The following CARMIL1 variants were observed in gnomAD, a reference collection of about 807,000 sequenced individuals.
CARMIL1 encodes F-actin-uncapping protein LRRC16A.
Under a neutral mutation model 177.1 loss-of-function variants are expected in CARMIL1, and 90 were observed. The ratio of observed to expected loss-of-function variants is 0.51; its 90% CI spans 0.43 to 0.61. The LOEUF (loss-of-function observed/expected upper bound fraction) is 0.61. CARMIL1 is among the 20% of genes least tolerant of loss of function. CARMIL1 has a pLI of 0.00. For missense variants in CARMIL1, 1,380 were observed against 1,667.0 expected (o/e 0.83, Z 3.00); for synonymous variants, 577 against 606.2 (o/e 0.95, Z 0.71).
intron 29 of CARMIL1, among the ~76,000 whole-genome samples, chr6:25,557,877 A>G (rs189237018): frequency 1.3e-5 from 2 of 152,224 alleles, no homozygotes; most frequent in African/African-American, 4.8e-5. Context: ...AGGGTTCTCT[A>G]TGTAAAGTCC....
intron 13 of CARMIL1, among the ~76,000 whole-genome samples, chr6:25,489,817 A>G (rs1257730766): frequency 6.6e-6 from 1 of 151,974 alleles, no homozygotes; most frequent in Non-Finnish European, 1.5e-5. Flanking sequence ...TCCATTTTCC[A>G]GTTTCAGTTG....
At chr6:25,291,155 A>T (rs1380239012) in intron 2 of CARMIL1, among the ~76,000 whole-genome samples, 1 of 152,060 alleles carries the variant, frequency 6.6e-6, no homozygotes, top group Non-Finnish European at 1.5e-5. Flanking sequence ...CTATTTATTT[A>T]TGGCTTTTGA....
At chr6:25,285,863 A>G (rs1781478521) in intron 2 of CARMIL1, among the ~76,000 whole-genome samples, 1 of 151,766 alleles carries the variant, frequency 6.6e-6, no homozygotes, top group African/African-American at 2.4e-5. Flanking sequence ...GAAAGAGTAT[A>G]ATTTCTTAAT....
intron 8 of CARMIL1, among the ~76,000 whole-genome samples, chr6:25,454,527 A>G (rs1799288321): frequency 6.6e-6 from 1 of 152,184 alleles, no homozygotes; most frequent in African/African-American, 2.4e-5. Context: ...GTGGAACTTT[A>G]TATTATTGAC....
intron 21 of CARMIL1, among the ~76,000 whole-genome samples, chr6:25,516,921 G>C (rs1582215990): frequency 6.6e-6 from 1 of 152,138 alleles, no homozygotes; most frequent in African/African-American, 2.4e-5. Flanking sequence ...TTTACTGTTT[G>C]GGGGGAACAA....
chr6:25,482,274 A>G lies in CARMIL1; in HGVS notation c.892A>G (p.Ile298Val). Residue 298 changes from isoleucine to valine, a missense_variant, in exon 12 of 37, where the codon ATT becomes GTT. Physicochemically the swap from Ile to Val is conservative, Grantham distance 29. Transcript: ENST00000329474. ...LEDRGVSSLS[I>V]QFAKLPKGLK... The stretch of plus-strand genomic sequence containing the variant: ...TTTCTCAGGTGTGTCCTCTTTAAGT[A>G]TTCAATTTGCCAAACTCCCAAAGGG... The G allele has an allele frequency of 6.3e-7, 1 of 1,583,424 alleles. No homozygotes were observed. Among genetic ancestry groups the G allele is most frequent in the East Asian group, 2.3e-5 (1 of 44,148 alleles).
rs1805950573 is a variant in CARMIL1, at chr6:25,515,970, G to A, written c.1805+123G>A. On this transcript the variant is annotated intron_variant, in intron 21 of 36. Transcript: ENST00000329474. This position sits in a 1 kb window ranked among gnomAD's most constrained non-coding sequence, Gnocchi z 5.0. ...TCCCATGAGGCCATCTTGAGGAGAA[G>A]AGGTGACAATGTCAAGATTTCTGTC... The A allele has an allele frequency of 3.2e-6, 3 of 923,268 alleles. No homozygotes were observed. In the Admixed American group the frequency reaches 8.9e-5, roughly 27 times the overall value. 57.2% of individuals were successfully genotyped at this position (923,268 alleles called of 1,614,324 possible).
chr6:25,421,488 TA>T (rs1305383580), intron 3 of CARMIL1, among the ~76,000 whole-genome samples: 1 of 152,134 alleles, frequency 6.6e-6, no homozygotes, highest in African/African-American at 2.4e-5. Context: ...GATCTAGAAC[TA>T]GAAATACCAT....
intron 2 of CARMIL1, among the ~76,000 whole-genome samples, chr6:25,409,742 G>C (rs1023211726): frequency 6.6e-6 from 1 of 152,120 alleles, no homozygotes; most frequent in African/African-American, 2.4e-5. Context: ...ATTTGCATGC[G>C]AGTACCATGT....
At chr6:25,422,590 A>G (rs549136676) in intron 3 of CARMIL1, among the ~76,000 whole-genome samples, 1 of 152,330 alleles carries the variant, frequency 6.6e-6, no homozygotes, top group South Asian at 2.1e-4. Flanking sequence ...TGTTTTATAA[A>G]TAAATTAGGT....
rs765642679 is a variant in CARMIL1, at chr6:25,510,528, C to T, written c.1499C>T (p.Thr500Ile). The change falls in exon 19 of 37, where the codon ACC becomes ATC. Residue 500 changes from threonine (T) to isoleucine (I), a missense_variant. Coordinates refer to ENST00000329474, the MANE Select transcript of CARMIL1 (RefSeq NM_017640.6). ...SDNGLESDLS[T>I]LIVWLSKNRS... is the part of the protein sequence containing the mutation. The stretch of plus-strand genomic sequence containing the variant: ...CCAGGTTTAGAATCTGACCTATCTA[C>T]CTTAATAGTGTGGCTCAGTAAAAAC... 1 of 1,554,344 alleles carries T rather than the reference C, an allele frequency of 6.4e-7. No homozygotes were observed. Among genetic ancestry groups the T allele is most frequent in the South Asian group, 1.2e-5 (1 of 83,972 alleles).
At chr6:25,337,481 C>T (rs577707257) in intron 2 of CARMIL1, among the ~76,000 whole-genome samples, 25 of 152,306 alleles carry the variant, frequency 1.6e-4, no homozygotes, top group African/African-American at 6.0e-4. Context: ...TCTAGACCAA[C>T]TCTAAAAAAT....
At chr6:25,552,589 C>T (rs915887666) in intron 27 of CARMIL1, among the ~76,000 whole-genome samples, 1 of 152,118 alleles carries the variant, frequency 6.6e-6, no homozygotes, top group Admixed American at 6.5e-5. Context: ...GACTGTTTTC[C>T]TCTAAAACCT....
intron 12 of CARMIL1, among the ~76,000 whole-genome samples, chr6:25,485,244 G>A (rs998301306): frequency 1.3e-5 from 2 of 152,042 alleles, no homozygotes; most frequent in African/African-American, 4.8e-5. Context: ...GAGGTCCTAC[G>A]GGCAAAGCTG....
At chr6:25,536,460 T>A (rs1037485687) in intron 24 of CARMIL1, among the ~76,000 whole-genome samples, 2 of 152,096 alleles carry the variant, frequency 1.3e-5, no homozygotes, top group Non-Finnish European at 2.9e-5. Flanking sequence ...CCTAGGGGGA[T>A]CTCAAGATAA....
chr6:25,525,320 G>A (rs933678375), intron 23 of CARMIL1, among the ~76,000 whole-genome samples: 3 of 152,120 alleles, frequency 2.0e-5, no homozygotes, highest in Non-Finnish European at 4.4e-5. Context: ...GAAGAGAGTG[G>A]AGTGAACTAT....
At chr6:25,496,943 C>G (rs765030330) in intron 16 of CARMIL1, among the ~76,000 whole-genome samples, 4 of 152,218 alleles carry the variant, frequency 2.6e-5, no homozygotes, top group African/African-American at 9.6e-5. Flanking sequence ...ACTTACTGTA[C>G]TTTGTTGCAT....
At chr6:25,324,691 A>G (rs1254018743) in intron 2 of CARMIL1, among the ~76,000 whole-genome samples, 1 of 152,198 alleles carries the variant, frequency 6.6e-6, no homozygotes, top group East Asian at 1.9e-4. Context: ...GAGATGGAAA[A>G]TAAATATCTG....
chr6:25,514,525 G>C (rs114699720), intron 20 of CARMIL1, among the ~76,000 whole-genome samples: 3,642 of 148,046 alleles, frequency 0.025, 134 homozygotes, highest in African/African-American at 0.08. Flanking sequence ...ACTCCAGCTT[G>C]GGGGGACAGA....
Sources: allele counts gnomAD v4.1 joint callset (sites outside exome capture counted in the v4.1 genomes callset), GRCh38; gene constraint gnomAD v4.1.1; non-coding constraint Gnocchi (gnomAD v3.1); transcripts MANE v1.5; gene names NCBI Gene and HGNC (gene_info 2026-07-23, HGNC 2026-07-21).